Variants in ANO4 observed in about 807,000 individuals in gnomAD.
The protein encoded by ANO4 is anoctamin-4.
ANO4 carries 69 observed loss-of-function variants against 141.9 expected under a neutral mutation model. That is an observed-to-expected ratio of 0.49 (90% CI 0.40 to 0.59). ANO4 has a LOEUF of 0.59. Among genes scored for constraint, ANO4 ranks in the 20% least tolerant of loss-of-function variants. ANO4 has a pLI of 0.00. For synonymous variants in ANO4, 350 were observed against 394.3 expected (o/e 0.89, Z 1.33); for missense variants, 894 against 1,162.2 (o/e 0.77, Z 3.36).
At chr12:101,040,132 T>C (rs780780137) in intron 11 of ANO4, 56 bp downstream of exon 11, 1 of 1,523,216 alleles carries the variant, frequency 6.6e-7, no homozygotes, top group Non-Finnish European at 8.9e-7. Context: ...TAGGGCAGAC[T>C]GTCAGCTGGG....
chr12:100,805,038 T>A (rs2034921551), intron 1 of ANO4, among the ~76,000 whole-genome samples: 1 of 152,236 alleles, frequency 6.6e-6, no homozygotes, highest in East Asian at 1.9e-4. Context: ...GCCTGTGTCC[T>A]GAATGGTATT....
intron 7 of ANO4, among the ~76,000 whole-genome samples, chr12:100,978,096 C>T (rs1198788976): frequency 6.6e-6 from 1 of 152,224 alleles, no homozygotes; most frequent in East Asian, 1.9e-4. Flanking sequence ...GGCCCCATCA[C>T]CCTGTGCTGT....
chr12:100,804,116 GAC>G (rs1009977363), intron 1 of ANO4, among the ~76,000 whole-genome samples: 3 of 152,090 alleles, frequency 2.0e-5, no homozygotes, highest in African/African-American at 7.2e-5. Flanking sequence ...TGCCCACACT[GAC>G]AGGCCCCAGT....
intron 3 of ANO4, among the ~76,000 whole-genome samples, chr12:100,925,502 G>A (rs929926586): frequency 6.6e-6 from 1 of 151,472 alleles, no homozygotes. Context: ...TCGGGGGGTG[G>A]GGGGCTAGAG....
chr12:101,000,830 A>G (rs1171354710), intron 8 of ANO4, among the ~76,000 whole-genome samples: 3 of 152,216 alleles, frequency 2.0e-5, no homozygotes, highest in Admixed American at 6.5e-5. Context: ...GAGGCCCAGT[A>G]GTTAGTTGGG....
At chr12:100,891,207 T>A (rs1308547188) in intron 1 of ANO4, among the ~76,000 whole-genome samples, 1 of 152,240 alleles carries the variant, frequency 6.6e-6, no homozygotes, top group African/African-American at 2.4e-5. Flanking sequence ...CACAGTTTAT[T>A]TGTCAGTTTA....
chr12:100,771,863 C>T (rs1173596525), intron 3 of ANO4, among the ~76,000 whole-genome samples: 1 of 152,184 alleles, frequency 6.6e-6, no homozygotes, highest in South Asian at 2.1e-4. Context: ...CTGCAGCTCC[C>T]TGCAGAGACT....
intron 1 of ANO4, among the ~76,000 whole-genome samples, chr12:100,883,602 T>C (rs2039678758): frequency 6.6e-6 from 1 of 152,182 alleles, no homozygotes; most frequent in Non-Finnish European, 1.5e-5. Flanking sequence ...TTTCCTTCCC[T>C]CCTCATTTTT....
chr12:101,116,666 C>T lies in ANO4; in HGVS notation c.2451-13C>T. ...ATGAGTGTTCTAATGGTAGAATGTG[C>T]CTCCTCTTATAGGTGCATGGTTGGC... is the stretch of plus-strand genomic sequence containing the variant. On this transcript the variant is annotated splice_polypyrimidine_tract_variant and intron_variant, in intron 24 of 27. Transcript: ENST00000392977. The T allele has an allele frequency of 1.2e-6, 2 of 1,614,048 alleles. No individual in the cohort carries two copies. Among genetic ancestry groups the T allele is most frequent in the Non-Finnish European group, 1.7e-6 (2 of 1,179,974 alleles).
chr12:101,081,722 G>T (rs1303328240), intron 15 of ANO4, among the ~76,000 whole-genome samples: 12 of 152,182 alleles, frequency 7.9e-5, no homozygotes, highest in Non-Finnish European at 1.8e-4. Flanking sequence ...GAGGCTAGAA[G>T]TCCAAGCCAA....
intron 2 of ANO4, among the ~76,000 whole-genome samples, chr12:100,906,152 A>G (rs1367733878): frequency 6.6e-6 from 1 of 152,222 alleles, no homozygotes; most frequent in Non-Finnish European, 1.5e-5. Flanking sequence ...AAAGACATAC[A>G]GTTGGTGGTG....
intron 7 of ANO4, among the ~76,000 whole-genome samples, chr12:100,979,078 A>G (rs987917477): frequency 2.0e-5 from 3 of 152,108 alleles, no homozygotes; most frequent in African/African-American, 7.2e-5. Flanking sequence ...CATTAATGGG[A>G]TGGGGGAGAC....
chr12:100,977,919 A>G (rs1470410410), intron 7 of ANO4, among the ~76,000 whole-genome samples: 1 of 152,198 alleles, frequency 6.6e-6, no homozygotes, highest in Non-Finnish European at 1.5e-5. Context: ...AACATATGTT[A>G]TGCTCACGTG....
At chr12:100,719,054 G>A (rs929945842) in intron 1 of ANO4, among the ~76,000 whole-genome samples, 1 of 152,126 alleles carries the variant, frequency 6.6e-6, no homozygotes, top group African/African-American at 2.4e-5. Flanking sequence ...AATGAAGTCA[G>A]AATAAGTGAA....
chr12:100,726,056 C>T (rs1343900934), intron 1 of ANO4, among the ~76,000 whole-genome samples: 1 of 152,182 alleles, frequency 6.6e-6, no homozygotes, highest in East Asian at 1.9e-4. Flanking sequence ...GAAAGCCACT[C>T]AGCATTTCCT....
At chr12:100,900,362 G>C (rs2040535050) in intron 1 of ANO4, among the ~76,000 whole-genome samples, 1 of 151,476 alleles carries the variant, frequency 6.6e-6, no homozygotes, top group Admixed American at 6.6e-5. Flanking sequence ...GTGCAGGTTT[G>C]TTACATATGT....
chr12:100,718,171 G>A (rs2030700474), intron 1 of ANO4, among the ~76,000 whole-genome samples: 1 of 152,212 alleles, frequency 6.6e-6, no homozygotes, highest in South Asian at 2.1e-4. Context: ...ATATACATGT[G>A]TGGTATTGCA....
intron 14 of ANO4, among the ~76,000 whole-genome samples, chr12:101,061,689 T>C (rs1183087760): frequency 1.3e-5 from 2 of 151,966 alleles, no homozygotes; most frequent in Non-Finnish European, 2.9e-5. Flanking sequence ...TTGATACTTG[T>C]ATATGCTTCA....
chr12:100,873,309 G>GCA (rs766033061), intron 1 of ANO4, among the ~76,000 whole-genome samples: 9 of 152,204 alleles, frequency 5.9e-5, no homozygotes, highest in Non-Finnish European at 1.2e-4. Context: ...AGTATGGAGG[G>GCA]CTCAGAGGAA....
Sources: allele counts gnomAD v4.1 joint callset (sites outside exome capture counted in the v4.1 genomes callset), GRCh38; gene constraint gnomAD v4.1.1; transcripts MANE v1.5; gene names NCBI Gene and HGNC (gene_info 2026-07-23, HGNC 2026-07-21).